The following MGMT variants were observed in gnomAD, a reference collection of about 807,000 sequenced individuals.
MGMT encodes O-6-methylguanine-DNA methyltransferase, also known as methylated-DNA--protein-cysteine methyltransferase.
A neutral mutation model predicts 15.9 loss-of-function variants in MGMT; 14 were observed. That is an observed-to-expected ratio of 0.88 (90% CI 0.58 to 1.37). The LOEUF (loss-of-function observed/expected upper bound fraction) is 1.37, where lower values mean the gene tolerates loss of function less well. MGMT is among the 40% of genes most tolerant of loss of function. The pLI is 0.00. For missense variants in MGMT, 282 were observed against 268.1 expected (o/e 1.05, Z -0.36); for synonymous variants, 130 against 118.2 (o/e 1.10, Z -0.65).
intron 3 of MGMT, among the ~76,000 whole-genome samples, chr10:129,726,281 A>G (rs1848432393): frequency 6.6e-6 from 1 of 152,120 alleles, no homozygotes; most frequent in Admixed American, 6.5e-5. Context: ...GCTCATAGGA[A>G]GGGGTAAATT....
chr10:129,683,562 A>G (rs1339808172), intron 2 of MGMT, among the ~76,000 whole-genome samples: 1 of 152,240 alleles, frequency 6.6e-6, no homozygotes, highest in African/African-American at 2.4e-5. Flanking sequence ...TTGAAACTTC[A>G]TACTTTCTTA....
chr10:129,715,920 T>C (rs1848289858), intron 3 of MGMT, among the ~76,000 whole-genome samples: 1 of 152,166 alleles, frequency 6.6e-6, no homozygotes, highest in South Asian at 2.1e-4. Flanking sequence ...TGTTGTTTCA[T>C]GTGTCAGAAT....
At chr10:129,490,966 C>T (rs1845463932) in intron 1 of MGMT, among the ~76,000 whole-genome samples, 1 of 152,152 alleles carries the variant, frequency 6.6e-6, no homozygotes, top group Non-Finnish European at 1.5e-5. Context: ...AAATGTTAGT[C>T]ATTTCCCTTT....
rs995011659 is a variant in MGMT, at chr10:129,770,922, G to GT, written c.*3934dup. On this transcript the variant is annotated 3_prime_UTR_variant, in exon 5 of 5. Coordinates refer to ENST00000651593, the MANE Select transcript of MGMT (RefSeq NM_002412.5). ...TTCCCTCAGACCTCAGACCGTGTGGGTTTTTTTTTCTTTCTTTCTTTCCTG... is the reference window on the plus strand; with the variant it reads ...TTCCCTCAGACCTCAGACCGTGTGGGTTTTTTTTTTCTTTCTTTCTTTCCTG... Among the ~76,000 whole-genome samples, 17 of 149,832 alleles carry GT rather than the reference G, an allele frequency of 1.1e-4. No homozygotes were observed. Among genetic ancestry groups the GT allele is most frequent in the African/African-American group, 2.8e-4 (11 of 39,616 alleles).
intron 2 of MGMT, among the ~76,000 whole-genome samples, chr10:129,695,643 A>G (rs1185888896): frequency 6.6e-6 from 1 of 152,210 alleles, no homozygotes; most frequent in Non-Finnish European, 1.5e-5. Flanking sequence ...AATTGTGTCA[A>G]TTAGGGGTAG....
chr10:129,570,773 A>T lies in MGMT; in HGVS notation c.125+34396A>T, dbSNP rs1453078145. ...AATTTAGTTAATAAGAATTTTCATG[A>T]GGTGTAAATTTAAATGTATGAGGAT... On this transcript the variant is annotated intron_variant, in intron 2 of 4. Coordinates refer to ENST00000651593, the MANE Select transcript of MGMT (RefSeq NM_002412.5). Among the ~76,000 whole-genome samples, 3 of 152,334 alleles carry T rather than the reference A, an allele frequency of 2.0e-5. No homozygotes were observed. In the East Asian group the frequency reaches 5.8e-4, roughly 29 times the overall value.
intron 2 of MGMT, among the ~76,000 whole-genome samples, chr10:129,600,779 C>T (rs967011157): frequency 6.6e-6 from 1 of 152,162 alleles, no homozygotes; most frequent in African/African-American, 2.4e-5. Flanking sequence ...GGCCAGTTTT[C>T]CATACAAGTA....
intron 2 of MGMT, among the ~76,000 whole-genome samples, chr10:129,537,710 A>G (rs895306075): frequency 1.3e-5 from 2 of 152,240 alleles, no homozygotes; most frequent in African/African-American, 4.8e-5. Context: ...TTGAATTTCT[A>G]CTTTATGAAC....
chr10:129,563,541 T>C (rs76253116), intron 2 of MGMT, among the ~76,000 whole-genome samples: 4,948 of 152,290 alleles, frequency 0.032, 129 homozygotes, highest in South Asian at 0.065. Context: ...AGTTTTGTCA[T>C]GAAAATTTAA....
chr10:129,642,454 T>C (rs1211279040), intron 2 of MGMT, among the ~76,000 whole-genome samples: 1 of 151,960 alleles, frequency 6.6e-6, no homozygotes, highest in Admixed American at 6.6e-5. Flanking sequence ...AAAAAATAGA[T>C]CATTAAGAAC....
intron 2 of MGMT, among the ~76,000 whole-genome samples, chr10:129,698,659 A>G (rs1007975872): frequency 6.6e-6 from 1 of 152,208 alleles, no homozygotes; most frequent in Non-Finnish European, 1.5e-5. Flanking sequence ...TTTATTTGCC[A>G]CATTTACAAT....
intron 2 of MGMT, among the ~76,000 whole-genome samples, chr10:129,596,021 G>A (rs1846747060): frequency 6.6e-6 from 1 of 152,156 alleles, no homozygotes; most frequent in Non-Finnish European, 1.5e-5. Flanking sequence ...ACAAAGAAGA[G>A]TCAGACTACG....
chr10:129,584,356 T>C (rs183042123), intron 2 of MGMT, among the ~76,000 whole-genome samples: 127 of 152,234 alleles, frequency 8.3e-4, no homozygotes, highest in Admixed American at 5.9e-4. Context: ...CAAATTTTAA[T>C]TGCCAGCACA....
chr10:129,549,820 G>A (rs961731668), intron 2 of MGMT, among the ~76,000 whole-genome samples: 3 of 152,110 alleles, frequency 2.0e-5, no homozygotes, highest in East Asian at 1.9e-4. Flanking sequence ...AAAGCGTTAC[G>A]GGGATTGTTT....
At chr10:129,534,384 T>C (rs1845963804) in intron 1 of MGMT, among the ~76,000 whole-genome samples, 1 of 152,114 alleles carries the variant, frequency 6.6e-6, no homozygotes. Flanking sequence ...CATTTCCATA[T>C]TCTGGGGTGA....
intron 1 of MGMT, among the ~76,000 whole-genome samples, chr10:129,468,999 A>G (rs1845201700): frequency 6.6e-6 from 1 of 152,198 alleles, no homozygotes; most frequent in African/African-American, 2.4e-5. Flanking sequence ...CTAGGTATAC[A>G]TTGGGTAGCA....
At chr10:129,605,266 T>C (rs1274538088) in intron 2 of MGMT, among the ~76,000 whole-genome samples, 2 of 152,232 alleles carry the variant, frequency 1.3e-5, no homozygotes, top group African/African-American at 4.8e-5. Flanking sequence ...TAGTGTAAAC[T>C]AATGATATTA....
chr10:129,553,502 A>C lies in MGMT; in HGVS notation c.125+17125A>C, dbSNP rs184738891. On this transcript the variant is annotated intron_variant, in intron 2 of 4. Transcript: ENST00000651593. Reference sequence around the variant, plus strand: ...ATGTGAACCTGTGGGCCCGGGGGACACGTGGTCCATTTTTGTTGAGTACGT... The same window carrying C: ...ATGTGAACCTGTGGGCCCGGGGGACCCGTGGTCCATTTTTGTTGAGTACGT... Among the ~76,000 whole-genome samples, 501 of 152,300 alleles carry C rather than the reference A, an allele frequency of 3.3e-3. 1 individual carries two copies. The highest frequency in any genetic ancestry group is 5.4e-3 in the Non-Finnish European group (364 of 68,032).
chr10:129,666,507 A>G (rs1847660761), intron 2 of MGMT, among the ~76,000 whole-genome samples: 2 of 152,132 alleles, frequency 1.3e-5, no homozygotes, highest in African/African-American at 2.4e-5. Context: ...TTAGCCATAT[A>G]TATTTTTTAA....
Sources: gnomAD v4.1 joint callset for allele counts (sites outside exome capture counted in the v4.1 genomes callset) on GRCh38, gnomAD v4.1.1 for gene constraint, MANE v1.5 for transcripts, NCBI Gene and HGNC (gene_info 2026-07-23, HGNC 2026-07-21) for gene names.